The following TPRG1 variants were observed in gnomAD, a reference collection of about 807,000 sequenced individuals.
The protein encoded by TPRG1 is tumor protein p63 regulated 1.
TPRG1 carries 29 observed loss-of-function variants against 29.3 expected under a neutral mutation model. The observed-to-expected ratio is 0.99, with a 90% confidence interval of 0.74 to 1.35. TPRG1 has a LOEUF of 1.35. Among genes scored for constraint, TPRG1 ranks in the 40% most tolerant of loss-of-function variants. The probability of loss-of-function intolerance (pLI) is 0.00; values close to 1 mark genes in which losing one functional copy is unlikely to be tolerated. For missense variants in TPRG1, 327 were observed against 335.0 expected (o/e 0.98, Z 0.19); for synonymous variants, 130 against 116.8 (o/e 1.11, Z -0.73).
At chr3:189,121,269 C>G (rs1158891744) in intron 1 of TPRG1, 1 of 152,154 alleles carries the variant, frequency 6.6e-6, no homozygotes. Flanking sequence ...TGTTTTACCA[C>G]ATCATTTCCT....
At chr3:189,142,356 CTTCA>C (rs922335860) in intron 3 of TPRG1, among the ~76,000 whole-genome samples, 14 of 152,008 alleles carry the variant, frequency 9.2e-5, no homozygotes, top group African/African-American at 3.4e-4. Context: ...GCTAGATTGT[CTTCA>C]TTTTCTTTTT....
Position 189,154,690 on chromosome 3 carries a change from G to A in TPRG1, c.-10+3818G>A, listed in dbSNP as rs542689649. On this transcript the variant is annotated intron_variant, in intron 5 of 6. Coordinates refer to the TPRG1 transcript ENST00000412373. ...ACTCCTGACCTCAGGTGATCCACCC[G>A]CCTCAGCCTCCCAAAGTGCTGGGAT... Among the ~76,000 whole-genome samples, 13 of 152,196 alleles carry A rather than the reference G, an allele frequency of 8.5e-5. No homozygotes were observed. In the East Asian group the frequency reaches 1.7e-3, roughly 20 times the overall value.
chr3:189,296,565 C>T (rs1330061009), intron 4 of TPRG1, among the ~76,000 whole-genome samples: 2 of 151,976 alleles, frequency 1.3e-5, no homozygotes, highest in Non-Finnish European at 2.9e-5. Flanking sequence ...GATTGGATCA[C>T]TGTTGTAGTA....
At chr3:189,027,168 C>T (rs1372538829) in intron 4 of TPRG1, among the ~76,000 whole-genome samples, 2 of 152,122 alleles carry the variant, frequency 1.3e-5, no homozygotes, top group Non-Finnish European at 2.9e-5. Context: ...TTTCCTTGAC[C>T]AACCTTAAAA....
At chr3:189,118,511 A>G (rs1017240706) in intron 1 of TPRG1, among the ~76,000 whole-genome samples, 1 of 152,168 alleles carries the variant, frequency 6.6e-6, no homozygotes, top group African/African-American at 2.4e-5. Flanking sequence ...AGGGCTTGTC[A>G]GAGACCTTCA....
intron 4 of TPRG1, among the ~76,000 whole-genome samples, chr3:189,253,844 A>G (rs1742652853): frequency 6.6e-6 from 1 of 152,162 alleles, no homozygotes; most frequent in Non-Finnish European, 1.5e-5. Context: ...CGTTTCTCTA[A>G]TGACCAGTGA....
intron 1 of TPRG1, among the ~76,000 whole-genome samples, chr3:189,177,663 G>A (rs2108683261): frequency 6.6e-6 from 1 of 152,066 alleles, no homozygotes; most frequent in African/African-American, 2.4e-5. Flanking sequence ...GAGGTGCAGT[G>A]AACCCAGTCA....
At chr3:189,214,470 C>T (rs1327987947) in intron 2 of TPRG1, among the ~76,000 whole-genome samples, 1 of 151,716 alleles carries the variant, frequency 6.6e-6, no homozygotes. Context: ...GGCAACTCCC[C>T]TCCAGAGTCA....
intron 3 of TPRG1, among the ~76,000 whole-genome samples, chr3:189,233,865 CATTG>C (rs1177587699): frequency 1.3e-5 from 2 of 151,944 alleles, no homozygotes; most frequent in South Asian, 2.1e-4. Flanking sequence ...GGCATGTGCA[CATTG>C]ATTGATTGAT....
At chr3:189,106,999 A>ATT (rs142295790) in intron 1 of TPRG1, among the ~76,000 whole-genome samples, 1 of 150,012 alleles carries the variant, frequency 6.7e-6, no homozygotes, top group African/African-American at 2.4e-5. Context: ...ACATAATGTG[A>ATT]TTTTTTTTTT....
intron 1 of TPRG1, chr3:189,121,875 T>C (rs1721855482): frequency 1.3e-5 from 2 of 152,182 alleles, no homozygotes; most frequent in South Asian, 2.1e-4. Flanking sequence ...TGATTTTAAA[T>C]TGGACATGTT....
intron 4 of TPRG1, 66 bp from the exon 5 acceptor site, chr3:189,310,320 T>G: frequency 7.1e-7 from 1 of 1,399,698 alleles, no homozygotes; most frequent in South Asian, 1.5e-5. Flanking sequence ...ACTGATGTAT[T>G]ACATTCTATT....
chr3:189,303,853 A>G (rs1413422974), intron 4 of TPRG1, among the ~76,000 whole-genome samples: 1 of 152,186 alleles, frequency 6.6e-6, no homozygotes, highest in Non-Finnish European at 1.5e-5. Flanking sequence ...CACCTCTAGG[A>G]CAAGCACATT....
intron 3 of TPRG1, among the ~76,000 whole-genome samples, chr3:189,227,364 G>C (rs1737911540): frequency 6.6e-6 from 1 of 152,168 alleles, no homozygotes; most frequent in African/African-American, 2.4e-5. Flanking sequence ...TCCTGGAGGG[G>C]GAAGCAGGAC....
At chr3:189,147,995 G>A (rs1725473453) in intron 4 of TPRG1, among the ~76,000 whole-genome samples, 1 of 152,176 alleles carries the variant, frequency 6.6e-6, no homozygotes, top group Non-Finnish European at 1.5e-5. Flanking sequence ...CTCAATCTTC[G>A]AGAGGAGTGT....
At chr3:189,033,924 A>T (rs1714099539) in intron 4 of TPRG1, among the ~76,000 whole-genome samples, 1 of 152,242 alleles carries the variant, frequency 6.6e-6, no homozygotes, top group East Asian at 1.9e-4. Flanking sequence ...TATGCCATAG[A>T]TTATTAATGA....
intron 4 of TPRG1, among the ~76,000 whole-genome samples, chr3:189,250,927 T>G (rs1011694339): frequency 5.3e-5 from 8 of 152,062 alleles, no homozygotes; most frequent in Non-Finnish European, 7.4e-5. Context: ...CTTACAGGTG[T>G]TCAGGGATTC....
chr3:189,247,057 A>AT (rs1741477293), intron 4 of TPRG1, among the ~76,000 whole-genome samples: 1 of 151,374 alleles, frequency 6.6e-6, no homozygotes, highest in South Asian at 2.1e-4. Context: ...TTTTTATTTC[A>AT]TTTTTTCTTT....
At chr3:189,092,284 G>A (rs187135065) in intron 4 of TPRG1, among the ~76,000 whole-genome samples, 5 of 152,276 alleles carry the variant, frequency 3.3e-5, no homozygotes, top group African/African-American at 9.6e-5. Flanking sequence ...ATTTTAGGAT[G>A]AGGCCTGAGA....
Sources: gnomAD v4.1 joint callset for allele counts (sites outside exome capture counted in the v4.1 genomes callset) on GRCh38, gnomAD v4.1.1 for gene constraint, MANE v1.5 for transcripts, NCBI Gene and HGNC (gene_info 2026-07-23, HGNC 2026-07-21) for gene names.